Variants in PARD3B observed in about 807,000 individuals in gnomAD.
The protein encoded by PARD3B is partitioning defective 3 homolog B.
A neutral mutation model predicts 130.2 loss-of-function variants in PARD3B; 103 were observed. That is an observed-to-expected ratio of 0.79 (90% CI 0.67 to 0.93). The LOEUF is 0.93. Ranked by LOEUF, PARD3B falls within the 40% of genes least tolerant of loss-of-function variation. PARD3B has a pLI of 0.00. For synonymous variants in PARD3B, 583 were observed against 553.2 expected (o/e 1.05, Z -0.76); for missense variants, 1,609 against 1,499.2 (o/e 1.07, Z -1.21).
chr2:205,450,655 TAGCAGAGAC>T (rs2048068644), intron 20 of PARD3B, among the ~76,000 whole-genome samples: 1 of 151,824 alleles, frequency 6.6e-6, no homozygotes, highest in Admixed American at 6.6e-5. Context: ...TTTGTATTTT[TAGCAGAGAC>T]AGGGTTTCAT....
chr2:205,345,337 T>C (rs559238949), intron 18 of PARD3B, among the ~76,000 whole-genome samples: 1 of 152,326 alleles, frequency 6.6e-6, no homozygotes, highest in African/African-American at 2.4e-5. Flanking sequence ...TTGCTCAGAT[T>C]CTTCTCTTTG....
chr2:204,601,518 A>G (rs1446075823), intron 1 of PARD3B, among the ~76,000 whole-genome samples: 1 of 152,024 alleles, frequency 6.6e-6, no homozygotes, highest in Non-Finnish European at 1.5e-5. Flanking sequence ...ATGAATTTTG[A>G]ATTTTTATAT....
At chr2:205,018,452 A>G (rs1696326423) in intron 3 of PARD3B, among the ~76,000 whole-genome samples, 1 of 152,028 alleles carries the variant, frequency 6.6e-6, no homozygotes, top group African/African-American at 2.4e-5. Context: ...ACCCTTCTGA[A>G]CCTCAGTTTT....
At chr2:205,259,974 C>T (rs561813701) in intron 16 of PARD3B, among the ~76,000 whole-genome samples, 2 of 152,178 alleles carry the variant, frequency 1.3e-5, no homozygotes, top group African/African-American at 4.8e-5. Context: ...AATATTTTTA[C>T]TAATTTGTGC....
intron 18 of PARD3B, among the ~76,000 whole-genome samples, chr2:205,315,087 G>C (rs2042518112): frequency 6.6e-6 from 1 of 152,002 alleles, no homozygotes; most frequent in Non-Finnish European, 1.5e-5. Flanking sequence ...CTTCATTCCT[G>C]TTCATTCTAG....
chr2:204,745,979 TTTC>T (rs1254651075), intron 2 of PARD3B, among the ~76,000 whole-genome samples: 4 of 146,256 alleles, frequency 2.7e-5, no homozygotes, highest in Admixed American at 2.7e-4. Context: ...CAGGATTTTT[TTTC>T]TTTTTTTTTT....
rs181212237 is a variant in PARD3B at position 205,442,648 on chromosome 2, T to C, written c.3044+1976T>C. Among the ~76,000 whole-genome samples, 9 of 152,272 alleles carry C rather than the reference T, an allele frequency of 5.9e-5. No homozygotes were observed. The South Asian group carries it at 1.7e-3, about 28-fold the overall frequency. On this transcript the variant is annotated intron_variant, in intron 20 of 22. Transcript: ENST00000406610. ...TCTTTTTATGCCTAATATGCTGACA[T>C]GCATTCTGAGTTTCTAAGAGGACCA...
In PARD3B at chr2:204,804,207, C is replaced by T. The variant is rs114876248; in HGVS notation, c.222+117925C>T. On this transcript the variant is annotated intron_variant, in intron 2 of 22. Coordinates refer to ENST00000406610, the MANE Select transcript of PARD3B (RefSeq NM_001302769.2). ...TCACACCATTATACTCCAGCCTAGGCGACAGAGTAAGACCCTGTCTCAAAA... is the reference window on the plus strand; with the variant it reads ...TCACACCATTATACTCCAGCCTAGGTGACAGAGTAAGACCCTGTCTCAAAA... Among the ~76,000 whole-genome samples, 591 of 152,024 alleles carry T rather than the reference C, an allele frequency of 3.9e-3. 5 individuals carry two copies. Among genetic ancestry groups the T allele is most frequent in the African/African-American group, 0.013 (551 of 41,494 alleles).
intron 8 of PARD3B, among the ~76,000 whole-genome samples, chr2:205,123,017 GA>G (rs2030935139): frequency 6.6e-6 from 1 of 152,152 alleles, no homozygotes; most frequent in Non-Finnish European, 1.5e-5. Context: ...ATCAGACACA[GA>G]ATCACCTTAA....
chr2:204,933,540 A>G (rs939055231), intron 2 of PARD3B, among the ~76,000 whole-genome samples: 1 of 152,226 alleles, frequency 6.6e-6, no homozygotes, highest in African/African-American at 2.4e-5. Context: ...TAGAGGATTT[A>G]GATTCTTTAT....
intron 15 of PARD3B, among the ~76,000 whole-genome samples, chr2:205,210,664 G>C (rs983112940): frequency 4.6e-5 from 7 of 152,124 alleles, no homozygotes; most frequent in African/African-American, 9.6e-5. Flanking sequence ...CAGTTGCCCT[G>C]CAGAAAAGCA....
chr2:204,600,195 A>T (rs1264396230), intron 1 of PARD3B, among the ~76,000 whole-genome samples: 3 of 151,564 alleles, frequency 2.0e-5, no homozygotes, highest in Non-Finnish European at 4.4e-5. Flanking sequence ...CCATTTATTT[A>T]TGCTTTTGTT....
chr2:205,499,256 A>G (rs568974602), intron 20 of PARD3B, among the ~76,000 whole-genome samples: 1 of 152,212 alleles, frequency 6.6e-6, no homozygotes, highest in South Asian at 2.1e-4. Context: ...AATACTGGCT[A>G]AAGTACAGAG....
chr2:204,895,194 A>G (rs4429453), intron 2 of PARD3B, among the ~76,000 whole-genome samples: 50,690 of 151,938 alleles, frequency 0.33, 8,585 homozygotes, highest in African/African-American at 0.38. Flanking sequence ...ATTAGGAGGC[A>G]TTAGGTTATG....
chr2:205,315,916 T>G (rs2042548430), intron 18 of PARD3B, among the ~76,000 whole-genome samples: 1 of 152,206 alleles, frequency 6.6e-6, no homozygotes, highest in Non-Finnish European at 1.5e-5. Flanking sequence ...TTCCATTGAG[T>G]ACTTCCTGTA....
rs1325977564 is a variant in PARD3B at position 205,300,110 on chromosome 2, T to C, written c.2186-420T>C. On this transcript the variant is annotated intron_variant, in intron 16 of 22. Transcript: ENST00000406610. The surrounding 1 kb of genome is among the most constrained non-coding windows in gnomAD (Gnocchi z 4.1). ...GAAGAGAAGCTCTCGTCATGTTAGG[T>C]GCTTGGTATGTTTGTGTGTGTGTCT... 6.6e-6 allele frequency among the ~76,000 whole-genome samples: 1 copy of C among 152,098 alleles called. No individual in the cohort carries two copies. The highest frequency in any genetic ancestry group is 3.2e-3 in the Middle Eastern group (1 of 316).
chr2:204,609,455 G>T (rs1187189680), intron 1 of PARD3B, among the ~76,000 whole-genome samples: 1 of 152,128 alleles, frequency 6.6e-6, no homozygotes, highest in Non-Finnish European at 1.5e-5. Context: ...ATACATTTTA[G>T]GGAGACAGAA....
At chr2:205,468,175 A>C (rs2106247568) in intron 20 of PARD3B, among the ~76,000 whole-genome samples, 1 of 152,366 alleles carries the variant, frequency 6.6e-6, no homozygotes, top group Middle Eastern at 3.4e-3. Flanking sequence ...GCTGGTCTTC[A>C]GATATGGAAT....
chr2:205,523,433 G>T (rs573469355), intron 21 of PARD3B, among the ~76,000 whole-genome samples: 3 of 151,376 alleles, frequency 2.0e-5, no homozygotes, highest in Non-Finnish European at 4.4e-5. Flanking sequence ...TAATAGAGAC[G>T]GGGTTTCACC....
Sources: gnomAD v4.1 joint callset for allele counts (sites outside exome capture counted in the v4.1 genomes callset) on GRCh38, gnomAD v4.1.1 for gene constraint, Gnocchi (gnomAD v3.1) non-coding constraint, MANE v1.5 for transcripts, NCBI Gene and HGNC (gene_info 2026-07-23, HGNC 2026-07-21) for gene names.